The following PDE2A variants were observed in gnomAD, a reference collection of about 807,000 sequenced individuals.
PDE2A encodes the protein cGMP-dependent 3',5'-cyclic phosphodiesterase.
Under a neutral mutation model 133.6 loss-of-function variants are expected in PDE2A, and 53 were observed. That is an observed-to-expected ratio of 0.40 (90% confidence interval 0.32 to 0.50). The LOEUF (loss-of-function observed/expected upper bound fraction) is 0.50. Ranked by LOEUF, PDE2A falls within the 20% of genes least tolerant of loss-of-function variation. The pLI is 0.73. For missense variants in PDE2A, 796 were observed against 1,232.4 expected (o/e 0.65, Z 5.30); for synonymous variants, 491 against 490.2 (o/e 1.00, Z -0.02).
At chr11:72,596,464 T>TA (rs1856483902) in intron 6 of PDE2A, 129 bp downstream of exon 6, 1 of 128,770 alleles carries the variant, frequency 7.8e-6, no homozygotes, top group Non-Finnish European at 1.3e-5. Flanking sequence ...CCCATCTCTC[T>TA]CTCTCTCTCT....
intron 2 of PDE2A, among the ~76,000 whole-genome samples, chr11:72,636,422 C>T (rs1858698312): frequency 6.6e-6 from 1 of 152,326 alleles, no homozygotes; most frequent in South Asian, 2.1e-4. Context: ...TCTGAACACC[C>T]TTTGCCCAGG....
rs1258364842 is a variant in PDE2A at position 72,608,828 on chromosome 11, C to A, written c.145-77G>T. 5 of 756,496 alleles carry A rather than the reference C, an allele frequency of 6.6e-6. No individual in the cohort carries two copies. The East Asian group carries it at 1.3e-4, about 20-fold the overall frequency. 46.9% of individuals were successfully genotyped at this position (756,496 alleles called of 1,614,324 possible). A position where few individuals can be genotyped will look rare whatever the true frequency, so the allele number is the denominator to read the frequency against. ...CCCCATCTGCCCAAAGGACTGTGAG[C>A]AAAACCCCCCAGCTTAGTCCAGAGC... is the stretch of plus-strand genomic sequence containing the variant. On this transcript the variant is annotated intron_variant, in intron 2 of 30. Transcript: ENST00000334456.
At chr11:72,638,126 A>T (rs1858785247) in intron 2 of PDE2A, among the ~76,000 whole-genome samples, 1 of 151,622 alleles carries the variant, frequency 6.6e-6, no homozygotes, top group South Asian at 2.1e-4. Flanking sequence ...TGGTGCTAGG[A>T]CCAGAGCCCA....
At position 72,586,100 on chromosome 11, in the gene PDE2A, C is replaced by G; in HGVS notation, c.1152G>C (p.Gln384His). Reference protein sequence around the residue: ...STVLTSTLAFQKEQKLKCECQ... With the variant: ...STVLTSTLAFHKEQKLKCECQ... The stretch of plus-strand genomic sequence containing the variant: ...ACTCACACTTGAGTTTCTGTTCCTT[C>G]TGGAAGGCCAGGGTGCTGGTGAGCA... The change falls in exon 14 of 31, where the codon CAG becomes CAC. Residue 384 changes from glutamine to histidine, a missense_variant. Gln to His is a conservative substitution (Grantham distance 24). Coordinates refer to ENST00000334456, the MANE Select transcript of PDE2A (RefSeq NM_002599.5). 6.2e-7 allele frequency: 1 copy of G among 1,612,172 alleles called. No individual in the cohort carries two copies. The highest frequency in any genetic ancestry group is 1.1e-5 in the South Asian group (1 of 90,620).
At chr11:72,583,395 C>A in intron 20 of PDE2A, 43 bp downstream of exon 20, 1 of 1,382,256 alleles carries the variant, frequency 7.2e-7, no homozygotes, top group South Asian at 1.2e-5. Flanking sequence ...CCTGGGTCCC[C>A]GGGGAATCTG....
intron 18 of PDE2A, 117 bp downstream of exon 18, chr11:72,584,434 C>A: frequency 7.5e-7 from 1 of 1,327,398 alleles, no homozygotes; most frequent in South Asian, 1.3e-5. Context: ...GCATGGAACC[C>A]GACTCCCTTA....
intron 2 of PDE2A, among the ~76,000 whole-genome samples, chr11:72,639,537 C>G (rs1219417122): frequency 6.6e-6 from 1 of 152,208 alleles, no homozygotes; most frequent in Non-Finnish European, 1.5e-5. Context: ...CCAGGCCTCA[C>G]TGCCTGCGCC....
intron 6 of PDE2A, among the ~76,000 whole-genome samples, chr11:72,593,277 C>G (rs1410424645): frequency 6.6e-6 from 1 of 152,088 alleles, no homozygotes; most frequent in Non-Finnish European, 1.5e-5. Context: ...CACATTCATG[C>G]CTGTACACAG....
chr11:72,651,824 G>A (rs1003451638), intron 1 of PDE2A, among the ~76,000 whole-genome samples: 4 of 152,116 alleles, frequency 2.6e-5, no homozygotes, highest in Admixed American at 6.5e-5. Context: ...TCAGGCCCCC[G>A]CCCAAGTCTA....
In PDE2A at chr11:72,590,522, G is replaced by A. The variant is rs202107033; in HGVS notation, c.608C>T (p.Pro203Leu). Reference sequence around the variant, plus strand: ...CTCCGGGGGGTTCTGGACGGCTCGGGGAGCCTCCCTGGGCCCGCGCTGCTG... The same window carrying A: ...CTCCGGGGGGTTCTGGACGGCTCGGAGAGCCTCCCTGGGCCCGCGCTGCTG... ...VLQQRGPREA[P>L]RAVQNPPEGT... Residue 203 changes from proline to leucine, a missense_variant, in exon 8 of 31, where the codon CCC (proline) becomes CTC (leucine). By Grantham distance (98) the Pro-to-Leu change is moderately conservative (BLOSUM62 -3). Transcript: ENST00000334456. This position sits in a 1 kb window ranked among gnomAD's most constrained non-coding sequence, Gnocchi z 4.8. 6.2e-4 allele frequency: 908 copies of A among 1,466,132 alleles called. 5 individuals are homozygous for A. In the African/African-American group the frequency reaches 0.012, roughly 19 times the overall value. The allele number at this position is 1,466,132 out of a possible 1,614,324, so 90.8% of individuals were successfully genotyped here.
intron 4 of PDE2A, among the ~76,000 whole-genome samples, chr11:72,600,141 G>C (rs758443723): frequency 2.0e-5 from 3 of 152,242 alleles, no homozygotes; most frequent in African/African-American, 7.2e-5. Context: ...GGGCCCTATG[G>C]AGCTGGGCTT....
intron 4 of PDE2A, among the ~76,000 whole-genome samples, chr11:72,603,373 G>T (rs1856839336): frequency 6.6e-6 from 1 of 152,204 alleles, no homozygotes; most frequent in Non-Finnish European, 1.5e-5. Flanking sequence ...TGATGCCAAG[G>T]ATCTGAGCCC....
At chr11:72,583,817 G>A (rs567972739) in intron 19 of PDE2A, among the ~76,000 whole-genome samples, 36 of 152,298 alleles carry the variant, frequency 2.4e-4, no homozygotes, top group African/African-American at 8.7e-4. Flanking sequence ...AAGCAAGGAG[G>A]GGATCATGTC....
At chr11:72,582,042 A>T in intron 21 of PDE2A, 95 bp from the exon 22 acceptor site, 1 of 943,842 alleles carries the variant, frequency 1.1e-6, no homozygotes, top group Non-Finnish European at 1.7e-6. Context: ...CAAAATCTGG[A>T]GTCTTAGAAA....
chr11:72,608,476 T>C (rs462491), intron 3 of PDE2A, among the ~76,000 whole-genome samples, 186 bp downstream of exon 3: 61,112 of 151,722 alleles, frequency 0.4, 12,611 homozygotes, highest in African/African-American at 0.51. Context: ...GATGCTTAGC[T>C]TCAGGCTTCC....
chr11:72,671,637 G>A (rs1266361874), intron 1 of PDE2A, among the ~76,000 whole-genome samples: 1 of 152,086 alleles, frequency 6.6e-6, no homozygotes, highest in Non-Finnish European at 1.5e-5. Context: ...GGGGGTGCAG[G>A]GAGCATAAAG....
chr11:72,617,325 C>T (rs537461444), intron 2 of PDE2A, among the ~76,000 whole-genome samples: 5 of 152,086 alleles, frequency 3.3e-5, no homozygotes, highest in African/African-American at 7.3e-5. Flanking sequence ...GGGTGGATGG[C>T]GGGAGGCAAG....
chr11:72,628,954 G>A (rs1422993081), intron 2 of PDE2A, among the ~76,000 whole-genome samples: 1 of 152,230 alleles, frequency 6.6e-6, no homozygotes, highest in Non-Finnish European at 1.5e-5. Context: ...CAGCAGTGCT[G>A]AGTATAGGCC....
chr11:72,602,250 C>T (rs111761645), intron 4 of PDE2A, among the ~76,000 whole-genome samples: 17 of 152,314 alleles, frequency 1.1e-4, no homozygotes, highest in Admixed American at 2.6e-4. Context: ...GCCCAAACAG[C>T]GGCAGGAACA....
Sources: gnomAD v4.1 joint callset for allele counts (sites outside exome capture counted in the v4.1 genomes callset) on GRCh38, gnomAD v4.1.1 for gene constraint, Gnocchi (gnomAD v3.1) non-coding constraint, MANE v1.5 for transcripts, NCBI Gene and HGNC (gene_info 2026-07-23, HGNC 2026-07-21) for gene names.